Variants in POU2F3 observed in about 807,000 individuals in gnomAD.
The protein encoded by POU2F3 is POU domain, class 2, transcription factor 3.
Under a neutral mutation model 59.2 loss-of-function variants are expected in POU2F3, and 23 were observed. The observed-to-expected ratio is 0.39, with a 90% CI of 0.28 to 0.55. The LOEUF (loss-of-function observed/expected upper bound fraction) is 0.55. POU2F3 is among the 20% of genes least tolerant of loss of function. The pLI is 0.66. For synonymous variants in POU2F3, 190 were observed against 214.6 expected (o/e 0.89, Z 1.00); for missense variants, 473 against 544.5 (o/e 0.87, Z 1.31).
chr11:120,237,165 C>G (rs1404603914), upstream of POU2F3, among the ~76,000 whole-genome samples: 1 of 152,142 alleles, frequency 6.6e-6, no homozygotes, highest in Non-Finnish European at 1.5e-5. Context: ...TAACGCAGGG[C>G]TAATAATTGT....
intron 3 of POU2F3, among the ~76,000 whole-genome samples, chr11:120,292,855 CAG>C (rs1941071357): frequency 6.6e-6 from 1 of 152,228 alleles, no homozygotes; most frequent in South Asian, 2.1e-4. Context: ...GAACTGAATT[CAG>C]GGGATTTATA....
rs1941646314 is a variant in POU2F3 at position 120,311,476 on chromosome 11, G to A, written c.1068+1890G>A. The stretch of plus-strand genomic sequence containing the variant: ...TTAATGAATGGAAAGCTGGATGGGG[G>A]CAGGGAGAGAGATGAAGAAAAGGGA... On this transcript the variant is annotated intron_variant, in intron 10 of 12. Coordinates refer to ENST00000543440, the MANE Select transcript of POU2F3 (RefSeq NM_014352.4). Among the ~76,000 whole-genome samples, 3 of 152,170 alleles carry A rather than the reference G, an allele frequency of 2.0e-5. No homozygotes were observed. In the South Asian group the frequency reaches 6.2e-4, roughly 32 times the overall value.
intron 3 of POU2F3, among the ~76,000 whole-genome samples, chr11:120,276,113 G>A (rs899091967): frequency 2.0e-5 from 3 of 152,186 alleles, no homozygotes; most frequent in Non-Finnish European, 4.4e-5. Context: ...CGGAGGGTCC[G>A]TGGTGATGGC....
rs59764889 is a variant in POU2F3 at position 120,307,659 on chromosome 11, A to G, written c.906+44A>G. ...TGGGCACGGGTGGGCTACCTCACACAGGTAGGGAGAGCAGACACGGCCCAG... is the reference window on the plus strand; with the variant it reads ...TGGGCACGGGTGGGCTACCTCACACGGGTAGGGAGAGCAGACACGGCCCAG... On this transcript the variant is annotated intron_variant, in intron 9 of 12. Transcript: ENST00000543440. 4.1e-3 allele frequency: 6,582 copies of G among 1,609,940 alleles called. 214 individuals carry two copies. The African/African-American group carries it at 0.072, about 18-fold the overall frequency.
At chr11:120,278,166 A>T (rs1000726959) in intron 3 of POU2F3, among the ~76,000 whole-genome samples, 1 of 152,324 alleles carries the variant, frequency 6.6e-6, no homozygotes, top group Admixed American at 6.5e-5. Flanking sequence ...TTTTGGGCTT[A>T]TATGATTATA....
At position 120,304,942 on chromosome 11, in the gene POU2F3, TAAAAAAA is replaced by T. The variant is rs11443197; in HGVS notation, c.445-65_445-59del. ...GTCATCCTCTAAGTGGGCCTATTAG[TAAAAAAA>T]AAAAAAAAAAAAAAAAAAAAAATCA... is the stretch of plus-strand genomic sequence containing the variant. On this transcript the variant is annotated intron_variant, in intron 6 of 12. Transcript: ENST00000543440. 294 of 336,440 alleles carry T rather than the reference TAAAAAAA, an allele frequency of 8.7e-4. 1 individual carries two copies. The highest frequency in any genetic ancestry group is 2.5e-3 in the African/African-American group (45 of 18,260). 20.8% of individuals were successfully genotyped at this position (336,440 alleles called of 1,614,324 possible). A position where few individuals can be genotyped will look rare whatever the true frequency, so the allele number is the denominator to read the frequency against.
intron 3 of POU2F3, among the ~76,000 whole-genome samples, chr11:120,277,948 G>A (rs1376100762): frequency 1.3e-5 from 2 of 152,138 alleles, no homozygotes; most frequent in Non-Finnish European, 2.9e-5. Flanking sequence ...GCCTCTATGA[G>A]TGTGACAGAC....
At chr11:120,304,553 C>T (rs1167852072) in intron 6 of POU2F3, among the ~76,000 whole-genome samples, 1 of 151,972 alleles carries the variant, frequency 6.6e-6, no homozygotes, top group Non-Finnish European at 1.5e-5. Flanking sequence ...TTGGATGTCC[C>T]CTGTTATCTT....
At chr11:120,281,308 G>T (rs1256019177) in intron 3 of POU2F3, among the ~76,000 whole-genome samples, 1 of 151,770 alleles carries the variant, frequency 6.6e-6, no homozygotes, top group Non-Finnish European at 1.5e-5. Context: ...TGTCAAGGGG[G>T]TGTTAGTGCT....
upstream of POU2F3, chr11:120,236,822 G>A: frequency 2.7e-6 from 3 of 1,105,592 alleles, no homozygotes; most frequent in South Asian, 2.8e-5. Context: ...CCTATACACA[G>A]GTGGGACTTA....
At chr11:120,288,087 TGAAAAAAAA>T (rs1940850251) in intron 3 of POU2F3, among the ~76,000 whole-genome samples, 3 of 59,962 alleles carry the variant, frequency 5.0e-5, no homozygotes, top group Non-Finnish European at 9.4e-5. Context: ...AGCTCAGAGC[TGAAAAAAAA>T]GAAAAGAAAG....
chr11:120,278,672 G>A (rs1940434467), intron 3 of POU2F3, among the ~76,000 whole-genome samples: 1 of 152,224 alleles, frequency 6.6e-6, no homozygotes, highest in African/African-American at 2.4e-5. Flanking sequence ...GAGCTGCGCT[G>A]ACTGAGTGAT....
intron 10 of POU2F3, 79 bp downstream of exon 10, chr11:120,309,665 A>G (rs1591443025): frequency 6.0e-6 from 9 of 1,489,162 alleles, no homozygotes; most frequent in Non-Finnish European, 8.3e-6. Flanking sequence ...GGCTGCAGGG[A>G]AGAGGGGAGC....
At chr11:120,250,869 C>T (rs1277089403) in intron 2 of POU2F3, among the ~76,000 whole-genome samples, 1 of 151,924 alleles carries the variant, frequency 6.6e-6, no homozygotes, top group Non-Finnish European at 1.5e-5. Flanking sequence ...CCCAGCTACT[C>T]AGGGGGCTGA....
Position 120,240,307 on chromosome 11 carries a change from C to G in POU2F3, c.-37C>G. On this transcript the variant is annotated 5_prime_UTR_variant, in exon 1 of 13. Coordinates refer to ENST00000543440, the MANE Select transcript of POU2F3 (RefSeq NM_014352.4). ...CCCGGCTGGGGCAGAGGCGAGGGGC[C>G]TGGGGGGGCGCTGGCTTTGGCCCCG... is the stretch of plus-strand genomic sequence containing the variant. The G allele has an allele frequency of 7.4e-7, 1 of 1,356,008 alleles. No homozygotes were observed. Among genetic ancestry groups the G allele is most frequent in the Non-Finnish European group, 9.6e-7 (1 of 1,043,820 alleles). The allele number at this position is 1,356,008 out of a possible 1,614,324, so 84.0% of individuals were successfully genotyped here.
In POU2F3 at chr11:120,269,123, C is replaced by A. The variant is rs573084222; in HGVS notation, c.98-87C>A. Reference sequence around the variant, plus strand: ...TGCTCTTTTTCAAAATAGAGCCACACGCCTCTCAACATCCTAGTTTTTTTC... The same window carrying A: ...TGCTCTTTTTCAAAATAGAGCCACAAGCCTCTCAACATCCTAGTTTTTTTC... On this transcript the variant is annotated intron_variant, in intron 2 of 12. Coordinates refer to ENST00000543440, the MANE Select transcript of POU2F3 (RefSeq NM_014352.4). 29 of 1,014,326 alleles carry A rather than the reference C, an allele frequency of 2.9e-5. No homozygotes were observed. The Admixed American group carries it at 4.7e-4, about 16-fold the overall frequency. The allele number at this position is 1,014,326 out of a possible 1,614,324, so 62.8% of individuals were successfully genotyped here.
intron 2 of POU2F3, among the ~76,000 whole-genome samples, chr11:120,257,621 A>G (rs2135160104): frequency 6.6e-6 from 1 of 152,066 alleles, no homozygotes; most frequent in East Asian, 1.9e-4. Context: ...AGGAGGGGAG[A>G]GTGTGACCCT....
intron 3 of POU2F3, among the ~76,000 whole-genome samples, chr11:120,272,773 C>G (rs747008036): frequency 1.3e-5 from 2 of 152,166 alleles, no homozygotes; most frequent in Non-Finnish European, 1.5e-5. Context: ...CAAGGCCAAC[C>G]CTCCATCCCC....
intron 10 of POU2F3, among the ~76,000 whole-genome samples, chr11:120,311,413 G>C (rs1309693152): frequency 6.6e-6 from 1 of 151,992 alleles, no homozygotes; most frequent in Non-Finnish European, 1.5e-5. Flanking sequence ...AGGAATGACA[G>C]GGTGGGAGGG....
Sources: allele counts gnomAD v4.1 joint callset (sites outside exome capture counted in the v4.1 genomes callset), GRCh38; gene constraint gnomAD v4.1.1; transcripts MANE v1.5; gene names NCBI Gene and HGNC (gene_info 2026-07-23, HGNC 2026-07-21).